The following ADGRV1 variants were observed in gnomAD, a reference collection of about 807,000 sequenced individuals.
ADGRV1 encodes the protein adhesion G protein-coupled receptor V1.
A neutral mutation model predicts 596.2 loss-of-function variants in ADGRV1; 359 were observed. The observed-to-expected ratio is 0.60, with a 90% confidence interval of 0.55 to 0.66. The LOEUF is 0.66. Ranked by LOEUF, ADGRV1 falls within the 30% of genes least tolerant of loss-of-function variation. The pLI is 0.00. For missense variants in ADGRV1, 7,274 were observed against 7,575.6 expected (o/e 0.96, Z 1.48); for synonymous variants, 2,681 against 2,679.2 (o/e 1.00, Z -0.02).
At chr5:91,135,335 C>T (rs1184630825) in intron 87 of ADGRV1, among the ~76,000 whole-genome samples, 1 of 152,122 alleles carries the variant, frequency 6.6e-6, no homozygotes, top group African/African-American at 2.4e-5. Flanking sequence ...CATACATACA[C>T]ACAGAATTCA....
intron 87 of ADGRV1, among the ~76,000 whole-genome samples, chr5:91,144,004 A>T (rs1326237775): frequency 6.6e-6 from 1 of 152,144 alleles, no homozygotes; most frequent in Non-Finnish European, 1.5e-5. Flanking sequence ...GCTTGGCCTC[A>T]ACTTTGCTGT....
chr5:90,970,147 C>T (rs550709803), intron 84 of ADGRV1, among the ~76,000 whole-genome samples: 1 of 152,190 alleles, frequency 6.6e-6, no homozygotes, highest in African/African-American at 2.4e-5. Context: ...AGTCTGAGAT[C>T]GAAGTGCAAG....
At chr5:91,059,573 G>A (rs1450295429) in intron 85 of ADGRV1, among the ~76,000 whole-genome samples, 1 of 151,968 alleles carries the variant, frequency 6.6e-6, no homozygotes, top group Non-Finnish European at 1.5e-5. Context: ...GTTCAAATTG[G>A]GACTTTTAAA....
chr5:90,955,422 G>A (rs1458306326), intron 83 of ADGRV1, among the ~76,000 whole-genome samples: 2 of 152,038 alleles, frequency 1.3e-5, no homozygotes, highest in Non-Finnish European at 2.9e-5. Context: ...TCCTTTATAT[G>A]TTTGTTTATT....
At chr5:90,711,390 A>G in intron 41 of ADGRV1, 68 bp downstream of exon 41, 1 of 1,242,286 alleles carries the variant, frequency 8.0e-7, no homozygotes, top group Admixed American at 2.4e-5. Context: ...CTTGAGAATT[A>G]CAGTGATTTA....
rs987313027 is a variant in ADGRV1, at chr5:91,097,042, T to C, written c.18311-5177T>C. 3.9e-5 allele frequency among the ~76,000 whole-genome samples: 6 copies of C among 152,236 alleles called. No individual in the cohort carries two copies. In the East Asian group the frequency reaches 1.2e-3, roughly 29 times the overall value. On this transcript the variant is annotated intron_variant, in intron 86 of 89. Coordinates refer to ENST00000405460, the MANE Select transcript of ADGRV1 (RefSeq NM_032119.4). ...CCATGGTGTAGCATATATTATAATT[T>C]TATTCCTTTTTAAGCTTCAGTATCT...
intron 86 of ADGRV1, among the ~76,000 whole-genome samples, chr5:91,094,843 T>G (rs1790717084): frequency 6.6e-6 from 1 of 152,102 alleles, no homozygotes; most frequent in South Asian, 2.1e-4. Context: ...GAAGTGAAGA[T>G]GCAGATTCAG....
intron 84 of ADGRV1, among the ~76,000 whole-genome samples, chr5:90,977,492 G>C (rs1177430508): frequency 6.6e-6 from 1 of 152,076 alleles, no homozygotes; most frequent in Admixed American, 6.6e-5. Flanking sequence ...AGTTCAAATA[G>C]CCTATTTTTA....
chr5:91,015,311 ATTT>A (rs888455428), intron 85 of ADGRV1, among the ~76,000 whole-genome samples: 1 of 152,076 alleles, frequency 6.6e-6, no homozygotes, highest in African/African-American at 2.4e-5. Flanking sequence ...TATGTGGTAG[ATTT>A]TAAAGTATGT....
intron 83 of ADGRV1, among the ~76,000 whole-genome samples, chr5:90,907,993 G>A (rs1772479069): frequency 6.6e-6 from 1 of 152,050 alleles, no homozygotes; most frequent in South Asian, 2.1e-4. Context: ...TGGGACTACA[G>A]AGGTGCACTG....
At chr5:90,916,842 C>T (rs1034897159) in intron 83 of ADGRV1, among the ~76,000 whole-genome samples, 1 of 151,750 alleles carries the variant, frequency 6.6e-6, no homozygotes, top group African/African-American at 2.4e-5. Flanking sequence ...CCGTTTTAGC[C>T]AGGATGGTCT....
intron 84 of ADGRV1, among the ~76,000 whole-genome samples, chr5:90,968,205 GA>G (rs1778647604): frequency 6.6e-6 from 1 of 152,138 alleles, no homozygotes; most frequent in Non-Finnish European, 1.5e-5. Context: ...ATTAGGGAAG[GA>G]AATTTTTGAT....
chr5:91,066,740 CT>C (rs1787917183), intron 85 of ADGRV1, among the ~76,000 whole-genome samples: 1 of 152,194 alleles, frequency 6.6e-6, no homozygotes, highest in South Asian at 2.1e-4. Flanking sequence ...CAGTGTCTGA[CT>C]CCCTGAACCC....
intron 33 of ADGRV1, 22 bp downstream of exon 33, chr5:90,694,723 AT>A: frequency 6.5e-7 from 1 of 1,531,384 alleles, no homozygotes; most frequent in Non-Finnish European, 8.8e-7. Flanking sequence ...TTCTAAATGA[AT>A]TTCCGTTGCC....
intron 83 of ADGRV1, among the ~76,000 whole-genome samples, chr5:90,924,714 G>A (rs377342310): frequency 5.9e-5 from 9 of 152,190 alleles, no homozygotes; most frequent in Admixed American, 2.0e-4. Flanking sequence ...GCCCATGCCT[G>A]TGTCCTGAAT....
chr5:90,830,301 A>G (rs1764417583), intron 77 of ADGRV1, among the ~76,000 whole-genome samples: 1 of 152,202 alleles, frequency 6.6e-6, no homozygotes, highest in African/African-American at 2.4e-5. Flanking sequence ...TAAATAGCAC[A>G]AAGTGAAGTA....
intron 59 of ADGRV1, among the ~76,000 whole-genome samples, chr5:90,765,105 C>T (rs1010994267): frequency 1.3e-5 from 2 of 152,148 alleles, no homozygotes; most frequent in African/African-American, 4.8e-5. Context: ...TGCTTCTTCC[C>T]ACTGGCCCTC....
At chr5:90,789,255 G>A (rs1759810833) in intron 68 of ADGRV1, among the ~76,000 whole-genome samples, 1 of 152,102 alleles carries the variant, frequency 6.6e-6, no homozygotes, top group Non-Finnish European at 1.5e-5. Context: ...GTGACATCTA[G>A]ATGAGCGTTT....
intron 9 of ADGRV1, 95 bp from the exon 10 acceptor site, chr5:90,635,019 C>T (rs1256739756): frequency 8.4e-6 from 6 of 711,898 alleles, no homozygotes; most frequent in Non-Finnish European, 1.4e-5. Flanking sequence ...GTGACCTCTA[C>T]CTACGCTTAC....
Sources: allele counts gnomAD v4.1 joint callset (sites outside exome capture counted in the v4.1 genomes callset), GRCh38; gene constraint gnomAD v4.1.1; transcripts MANE v1.5; gene names NCBI Gene and HGNC (gene_info 2026-07-23, HGNC 2026-07-21).